Variants in SLC17A8 observed in about 807,000 individuals in gnomAD.
The protein encoded by SLC17A8 is vesicular glutamate transporter 3.
SLC17A8 carries 31 observed loss-of-function variants against 58.0 expected under a neutral mutation model. The ratio of observed to expected loss-of-function variants is 0.53; its 90% CI spans 0.40 to 0.72. SLC17A8 has a LOEUF of 0.72. Among genes scored for constraint, SLC17A8 ranks in the 30% least tolerant of loss-of-function variants. The pLI, the probability that SLC17A8 is intolerant of heterozygous loss-of-function variation, is 0.00. For missense variants in SLC17A8, 655 were observed against 727.8 expected (o/e 0.90, Z 1.15); for synonymous variants, 228 against 249.0 (o/e 0.92, Z 0.79).
intron 1 of SLC17A8, among the ~76,000 whole-genome samples, chr12:100,372,222 A>G (rs1418788389): frequency 6.6e-6 from 1 of 152,156 alleles, no homozygotes; most frequent in Non-Finnish European, 1.5e-5. Context: ...GAAGTCCAAG[A>G]TCAAGGTTTG....
At chr12:100,408,705 A>G (rs1243058642) in intron 9 of SLC17A8, among the ~76,000 whole-genome samples, 1 of 152,132 alleles carries the variant, frequency 6.6e-6, no homozygotes, top group African/African-American at 2.4e-5. Context: ...TTCTTTATAC[A>G]ATGTCATCAT....
chr12:100,381,423 G>A (rs893484830), intron 2 of SLC17A8, among the ~76,000 whole-genome samples: 2 of 152,098 alleles, frequency 1.3e-5, no homozygotes, highest in Admixed American at 1.3e-4. Flanking sequence ...CAGGATTCTT[G>A]GGCTCATAGG....
At chr12:100,367,566 T>C (rs1451987008) in intron 1 of SLC17A8, among the ~76,000 whole-genome samples, 1 of 152,204 alleles carries the variant, frequency 6.6e-6, no homozygotes, top group African/African-American at 2.4e-5. Flanking sequence ...TATTTATTTA[T>C]TTGAGACAGG....
rs1952819036 is a variant in SLC17A8, at chr12:100,405,239, G to T, written c.1186+1069G>T. Among the ~76,000 whole-genome samples, 3 of 152,208 alleles carry T rather than the reference G, an allele frequency of 2.0e-5. No individual in the cohort carries two copies. The South Asian group carries it at 6.2e-4, about 32-fold the overall frequency. ...TGAACTTTCTTGTAGAGGACTGAGG[G>T]TTAGCGGATATAGGCCTGCTATCTG... is the stretch of plus-strand genomic sequence containing the variant. On this transcript the variant is annotated intron_variant, in intron 9 of 11. Coordinates refer to ENST00000323346, the MANE Select transcript of SLC17A8 (RefSeq NM_139319.3).
chr12:100,394,259 C>T (rs61088324), intron 4 of SLC17A8, among the ~76,000 whole-genome samples: 2,207 of 152,156 alleles, frequency 0.015, 57 homozygotes, highest in African/African-American at 0.051. Flanking sequence ...TTTGTTATGC[C>T]CATGTACAAC....
intron 1 of SLC17A8, among the ~76,000 whole-genome samples, chr12:100,361,700 G>A (rs925542636): frequency 6.6e-6 from 1 of 152,178 alleles, no homozygotes; most frequent in South Asian, 2.1e-4. Context: ...GGTGGCTCAT[G>A]CCTATAATCC....
chr12:100,398,562 C>G (rs542914981), intron 5 of SLC17A8, among the ~76,000 whole-genome samples: 16 of 152,304 alleles, frequency 1.1e-4, no homozygotes, highest in South Asian at 2.1e-4. Flanking sequence ...ACACAGGCCT[C>G]ATTACATGTC....
chr12:100,357,146 T>C lies in SLC17A8; in HGVS notation c.-246T>C, dbSNP rs60738448. On this transcript the variant is annotated 5_prime_UTR_variant, in exon 1 of 12. Coordinates refer to ENST00000323346, the MANE Select transcript of SLC17A8 (RefSeq NM_139319.3). ...CGTGCAGCTTTTGCAAGGGACTGAATTCCCAGCCAGACACCCCTTGGACTC... is the reference window on the plus strand; with the variant it reads ...CGTGCAGCTTTTGCAAGGGACTGAACTCCCAGCCAGACACCCCTTGGACTC... 1.3e-3 allele frequency: 599 copies of C among 455,828 alleles called. 1 individual carries two copies. In the East Asian group the frequency reaches 0.014, roughly 10 times the overall value. The allele number at this position is 455,828 out of a possible 1,614,324, so 28.2% of individuals were successfully genotyped here. A position where few individuals can be genotyped will look rare whatever the true frequency, so the allele number is the denominator to read the frequency against.
At chr12:100,388,346 A>T (rs1014826095) in intron 2 of SLC17A8, among the ~76,000 whole-genome samples, 10 of 152,144 alleles carry the variant, frequency 6.6e-5, no homozygotes, top group African/African-American at 2.4e-4. Flanking sequence ...ATTGTTTATC[A>T]CCTGCTATCT....
At chr12:100,373,566 C>T (rs888856302) in intron 1 of SLC17A8, among the ~76,000 whole-genome samples, 1 of 142,092 alleles carries the variant, frequency 7.0e-6, no homozygotes, top group Non-Finnish European at 1.5e-5. Context: ...TATATGGACA[C>T]AAATCAGTGA....
At chr12:100,414,482 T>G (rs1566405144) in intron 10 of SLC17A8, among the ~76,000 whole-genome samples, 1 of 152,226 alleles carries the variant, frequency 6.6e-6, no homozygotes, top group Non-Finnish European at 1.5e-5. Flanking sequence ...TTATGAAAAC[T>G]CTCAAGCTTC....
intron 1 of SLC17A8, among the ~76,000 whole-genome samples, chr12:100,379,262 C>T (rs952147653): frequency 1.3e-5 from 2 of 151,996 alleles, no homozygotes; most frequent in Admixed American, 6.6e-5. Flanking sequence ...CGGTGAAACC[C>T]CGTCTCTACT....
At chr12:100,382,622 T>C (rs2135987600) in intron 2 of SLC17A8, among the ~76,000 whole-genome samples, 1 of 152,320 alleles carries the variant, frequency 6.6e-6, no homozygotes, top group South Asian at 2.1e-4. Flanking sequence ...TGAACTAGTG[T>C]CTGGGAAATC....
rs1952712853 is a variant in SLC17A8, at chr12:100,391,122, A to G, written c.473+3A>G. Reference sequence around the variant, plus strand: ...TCAAACAAGTTTGCTGCTAACAGGTAAGATAAATTGATATAACATGATACA... The same window carrying G: ...TCAAACAAGTTTGCTGCTAACAGGTGAGATAAATTGATATAACATGATACA... On this transcript the variant is annotated splice_donor_region_variant and intron_variant, in intron 3 of 11. Transcript: ENST00000323346. The G allele has an allele frequency of 9.6e-6, 15 of 1,569,010 alleles. No individual in the cohort carries two copies. The highest frequency in any genetic ancestry group is 1.3e-5 in the Non-Finnish European group (15 of 1,138,930).
Position 100,421,649 on chromosome 12 carries a change from T to C in SLC17A8, c.*1490T>C, listed in dbSNP as rs1191342521. On this transcript the variant is annotated 3_prime_UTR_variant, in exon 12 of 12. Transcript: ENST00000323346. ...TTATAGATTTACTTGTAGCTTATTA[T>C]TGTAAAGTGTTTTTTTTTTTTTTTT... 1.4e-5 allele frequency: 2 copies of C among 142,528 alleles called. No individual in the cohort carries two copies. Among genetic ancestry groups the C allele is most frequent in the African/African-American group, 2.5e-5 (1 of 39,900 alleles). The allele number at this position is 142,528 out of a possible 1,614,324, so 8.8% of individuals were successfully genotyped here.
chr12:100,390,869 CT>C, intron 2 of SLC17A8, 131 bp from the exon 3 acceptor site: 1 of 736,850 alleles, frequency 1.4e-6, no homozygotes, highest in East Asian at 2.6e-5. Context: ...GTAAGATGCC[CT>C]CCATAAGTAT....
chr12:100,364,008 A>C (rs1052833628), intron 1 of SLC17A8, among the ~76,000 whole-genome samples: 1 of 142,036 alleles, frequency 7.0e-6, no homozygotes, highest in Non-Finnish European at 1.5e-5. Flanking sequence ...AGATAGAGCC[A>C]CTGCACTCCA....
chr12:100,383,149 C>G (rs1952648995), intron 2 of SLC17A8, among the ~76,000 whole-genome samples: 1 of 152,200 alleles, frequency 6.6e-6, no homozygotes, highest in Non-Finnish European at 1.5e-5. Flanking sequence ...AACTTGTCTG[C>G]TGAGGCCCAG....
At chr12:100,409,143 C>T (rs1261498247) in intron 9 of SLC17A8, among the ~76,000 whole-genome samples, 2 of 140,782 alleles carry the variant, frequency 1.4e-5, no homozygotes, top group South Asian at 2.5e-4. Context: ...ATTCATTAAA[C>T]GTTATGTATG....
Sources: allele counts gnomAD v4.1 joint callset (sites outside exome capture counted in the v4.1 genomes callset), GRCh38; gene constraint gnomAD v4.1.1; transcripts MANE v1.5; gene names NCBI Gene and HGNC (gene_info 2026-07-23, HGNC 2026-07-21).